HECTD4: variants seen among roughly 807,000 people sequenced by gnomAD.
HECTD4 encodes probable E3 ubiquitin-protein ligase HECTD4.
HECTD4 carries 114 observed loss-of-function variants against 471.5 expected under a neutral mutation model. That is an observed-to-expected ratio of 0.24 (90% CI 0.21 to 0.28). The LOEUF is 0.28. HECTD4 is among the 10% of genes least tolerant of loss of function. The probability of loss-of-function intolerance (pLI) is 1.00; values close to 1 mark genes in which losing one functional copy is unlikely to be tolerated. For missense variants in HECTD4, 3,866 were observed against 5,651.5 expected (o/e 0.68, Z 10.13); for synonymous variants, 2,012 against 2,256.0 (o/e 0.89, Z 3.07).
At chr12:112,307,797 A>G (rs545803059) in intron 6 of HECTD4, among the ~76,000 whole-genome samples, 1 of 152,226 alleles carries the variant, frequency 6.6e-6, no homozygotes, top group Non-Finnish European at 1.5e-5. Context: ...CGCCAACTCT[A>G]ATCATTTAAT....
intron 1 of HECTD4, among the ~76,000 whole-genome samples, chr12:112,329,591 T>C (rs944155059): frequency 6.6e-6 from 1 of 152,128 alleles, no homozygotes; most frequent in African/African-American, 2.4e-5. Flanking sequence ...TGGTCTCGAA[T>C]TCCTGGCCTG....
At chr12:112,232,589 ATTCCT>A (rs931197246) in intron 38 of HECTD4, among the ~76,000 whole-genome samples, 9 of 152,120 alleles carry the variant, frequency 5.9e-5, no homozygotes, top group African/African-American at 4.8e-5. Flanking sequence ...TATTGTTTTT[ATTCCT>A]TTCCTTTAAT....
rs1566092356 is a variant in HECTD4 at position 112,265,318 on chromosome 12, A to G, written c.2499-23T>C. ...AGTCTTTAAAATGCAGGAAAAATGT[A>G]ACAATAAAATATTGATGGTTTATTC... On this transcript the variant is annotated intron_variant, in intron 15 of 75. Coordinates refer to ENST00000682272, the MANE Select transcript of HECTD4 (RefSeq NM_001388303.1). 3 of 1,460,388 alleles carry G rather than the reference A, an allele frequency of 2.1e-6. No homozygotes were observed. The South Asian group carries it at 3.8e-5, about 19-fold the overall frequency. 90.5% of individuals were successfully genotyped at this position (1,460,388 alleles called of 1,614,324 possible). A position where few individuals can be genotyped will look rare whatever the true frequency, so the allele number is the denominator to read the frequency against.
chr12:112,298,430 T>C (rs2035090122), intron 7 of HECTD4, among the ~76,000 whole-genome samples: 2 of 152,112 alleles, frequency 1.3e-5, no homozygotes, highest in South Asian at 4.1e-4. Context: ...ATCTACTTCA[T>C]TCTAGGTAGA....
chr12:112,262,515 CAAAAAAAAAAAAA>C (rs758273849), intron 17 of HECTD4, among the ~76,000 whole-genome samples: 2 of 19,756 alleles, frequency 1.0e-4, no homozygotes, highest in Non-Finnish European at 2.1e-4. Flanking sequence ...GACTCCATCT[CAAAAAAAAAAAAA>C]AAAAAAAAAA....
chr12:112,226,879 C>G, intron 43 of HECTD4, 121 bp from the exon 44 acceptor site: 1 of 606,918 alleles, frequency 1.6e-6, no homozygotes, highest in Non-Finnish European at 2.8e-6. Context: ...TCAAACACCC[C>G]ACTCATCTTG....
chr12:112,201,473 G>GA (rs59104653), intron 54 of HECTD4: 69 of 145,464 alleles, frequency 4.7e-4, no homozygotes, highest in Admixed American at 6.1e-4. Context: ...GCCAATTACT[G>GA]AAAAAAAAAA....
At position 112,269,457 on chromosome 12, in the gene HECTD4, TTTTG is replaced by T. The variant is rs559093680; in HGVS notation, c.2321+243_2321+246del. ...TCAAAATATCCACTTAAAGGGTTGG[TTTTG>T]TTTGTTTGTTTGTTTGTTTTAGATC... On this transcript the variant is annotated intron_variant, in intron 13 of 75. Coordinates refer to ENST00000682272, the MANE Select transcript of HECTD4 (RefSeq NM_001388303.1). 2.7e-3 allele frequency among the ~76,000 whole-genome samples: 415 copies of T among 152,122 alleles called. 4 individuals carry two copies. The highest frequency in any genetic ancestry group is 8.6e-3 in the African/African-American group (359 of 41,504).
At chr12:112,192,827 G>T in intron 58 of HECTD4, 62 bp from the exon 59 acceptor site, 1 of 1,396,284 alleles carries the variant, frequency 7.2e-7, no homozygotes, top group Non-Finnish European at 9.8e-7. Context: ...GGGACAGGCA[G>T]CTTTGCCTTC....
Position 112,309,464 on chromosome 12 carries a change from T to C in HECTD4, c.1025+97A>G, listed in dbSNP as rs1015200944. ...GACTTGTTATTTAGTTACTAGTCTA[T>C]GGGGAGCTGGAATCTACCCACAGTG... On this transcript the variant is annotated intron_variant, in intron 5 of 75. Transcript: ENST00000682272. The C allele has an allele frequency of 6.8e-6, 4 of 591,928 alleles. No homozygotes were observed. In the East Asian group the frequency reaches 8.8e-5, roughly 13 times the overall value. 36.7% of individuals were successfully genotyped at this position (591,928 alleles called of 1,614,324 possible).
In HECTD4 at chr12:112,169,931, C is replaced by A. The variant is rs2031145373; in HGVS notation, c.12053-273G>T. On this transcript the variant is annotated intron_variant, in intron 69 of 75. Transcript: ENST00000682272. ...CTTCCCTCTGCCTCTTGGGGAGGTC[C>A]TCGCCCCCCAACTCCTCTCTCGTTT... is the stretch of plus-strand genomic sequence containing the variant. 4 of 575,554 alleles carry A rather than the reference C, an allele frequency of 6.9e-6. No homozygotes were observed. The Admixed American group carries it at 9.1e-5, about 13-fold the overall frequency. The allele number at this position is 575,554 out of a possible 1,614,324, so 35.7% of individuals were successfully genotyped here.
At chr12:112,258,231 C>T (rs1460974358) in intron 20 of HECTD4, 1 of 271,060 alleles carries the variant, frequency 3.7e-6, no homozygotes, top group Admixed American at 5.4e-5. Context: ...CTGCCAAAGT[C>T]ATAATATTTT....
At chr12:112,292,847 C>A (rs1025076667) in intron 7 of HECTD4, among the ~76,000 whole-genome samples, 1 of 151,928 alleles carries the variant, frequency 6.6e-6, no homozygotes, top group Admixed American at 6.6e-5. Context: ...ATAGTGAAAC[C>A]CCGTCCCTAC....
rs1252908457 is a variant in HECTD4, at chr12:112,228,568, C to T, written c.6684+79G>A. The T allele has an allele frequency of 7.9e-7, 1 of 1,258,660 alleles. No homozygotes were observed. Among genetic ancestry groups the T allele is most frequent in the Non-Finnish European group, 1.1e-6 (1 of 908,010 alleles). 78.0% of individuals were successfully genotyped at this position (1,258,660 alleles called of 1,614,324 possible). A position where few individuals can be genotyped will look rare whatever the true frequency, so the allele number is the denominator to read the frequency against. On this transcript the variant is annotated intron_variant, in intron 42 of 75. Coordinates refer to ENST00000682272, the MANE Select transcript of HECTD4 (RefSeq NM_001388303.1). The surrounding 1 kb of genome is among the most constrained non-coding windows in gnomAD (Gnocchi z 4.9). ...AGATAATCAAGCATTTGTGCTTCTG[C>T]ACTGAGCATGTGCATAGACTCATTA...
chr12:112,228,067 G>A lies in HECTD4; in HGVS notation c.6854+22C>T, dbSNP rs769415280. On this transcript the variant is annotated intron_variant, in intron 43 of 75. Coordinates refer to ENST00000682272, the MANE Select transcript of HECTD4 (RefSeq NM_001388303.1). This position sits in a 1 kb window ranked among gnomAD's most constrained non-coding sequence, Gnocchi z 4.9. The stretch of plus-strand genomic sequence containing the variant: ...AGCTTGCACCATGTCAGCACATAAG[G>A]CAATGTGGGGAGGGTACTCACCTTG... 8.2e-6 allele frequency: 13 copies of A among 1,586,380 alleles called. No homozygotes were observed. The highest frequency in any genetic ancestry group is 3.5e-5 in the Admixed American group (2 of 56,346).
At chr12:112,170,633 C>A in intron 68 of HECTD4, 181 bp from the exon 69 acceptor site, 1 of 645,164 alleles carries the variant, frequency 1.5e-6, no homozygotes, top group Middle Eastern at 4.3e-4. Flanking sequence ...CTTTGTCATT[C>A]CCAGGAGACA....
At chr12:112,186,328 T>A (rs1474832763) in intron 60 of HECTD4, among the ~76,000 whole-genome samples, 4 of 147,566 alleles carry the variant, frequency 2.7e-5, no homozygotes, top group Admixed American at 6.7e-5. Flanking sequence ...TTTTTTTAAT[T>A]ATTTTTTTAA....
chr12:112,332,980 C>A (rs968785982), intron 1 of HECTD4, among the ~76,000 whole-genome samples: 1 of 152,158 alleles, frequency 6.6e-6, no homozygotes, highest in Admixed American at 6.5e-5. Flanking sequence ...TAATTGGTCT[C>A]TTTCTCTCAG....
At chr12:112,261,089 C>A (rs2034135659) in intron 18 of HECTD4, among the ~76,000 whole-genome samples, 1 of 152,180 alleles carries the variant, frequency 6.6e-6, no homozygotes, top group African/African-American at 2.4e-5. Flanking sequence ...CACAACCTCG[C>A]TACCCTTAGA....
Sources: allele counts gnomAD v4.1 joint callset (sites outside exome capture counted in the v4.1 genomes callset), GRCh38; gene constraint gnomAD v4.1.1; non-coding constraint Gnocchi (gnomAD v3.1); transcripts MANE v1.5; gene names NCBI Gene and HGNC (gene_info 2026-07-23, HGNC 2026-07-21).